The following SLC12A7 variants were observed in gnomAD, a reference collection of about 807,000 sequenced individuals.
SLC12A7 encodes K-Cl cotransporter 4.
In SLC12A7, 100 loss-of-function variants were observed where a neutral mutation model predicts 120.6. The observed-to-expected ratio is 0.83, with a 90% confidence interval of 0.71 to 0.98. The LOEUF is 0.98. Among genes scored for constraint, SLC12A7 ranks in the 50% least tolerant of loss-of-function variants. SLC12A7 has a pLI of 0.00. For missense variants in SLC12A7, 1,373 were observed against 1,548.1 expected (o/e 0.89, Z 1.90); for synonymous variants, 760 against 678.0 (o/e 1.12, Z -1.88).
intron 17 of SLC12A7, among the ~76,000 whole-genome samples, chr5:1,070,484 C>T (rs1737640703): frequency 2.3e-4 from 1 of 4,264 alleles, no homozygotes; most frequent in African/African-American, 3.4e-4. Context: ...CCCCAGTGAG[C>T]CCCCAGCACA....
chr5:1,075,250 T>C, intron 15 of SLC12A7, 121 bp downstream of exon 15: 2 of 1,381,634 alleles, frequency 1.4e-6, no homozygotes, highest in South Asian at 1.5e-5. Flanking sequence ...CAGCTGCCCC[T>C]GTGAGGGCAC....
At chr5:1,086,110 A>AG (rs1459142850) in intron 6 of SLC12A7, among the ~76,000 whole-genome samples, 1 of 152,186 alleles carries the variant, frequency 6.6e-6, no homozygotes, top group African/African-American at 2.4e-5. Flanking sequence ...CACCCGGGGC[A>AG]GGTGGAAAGA....
chr5:1,052,545 C>G (rs1735158283), intron 23 of SLC12A7, 94 bp from the exon 24 acceptor site: 1 of 1,103,040 alleles, frequency 9.1e-7, no homozygotes, highest in African/African-American at 1.5e-5. Context: ...TCCTGGTTAG[C>G]TAAGATTTGG....
In SLC12A7 at chr5:1,076,881, T is replaced by G; in HGVS notation, c.1630-69A>C. ...TTTTAGGAGAGAAGCTGCAGGCTGG[T>G]CAGGTCTAGCCCAGATGAATCTTAA... On this transcript the variant is annotated intron_variant, in intron 12 of 23. Transcript: ENST00000264930. 3 of 1,097,890 alleles carry G rather than the reference T, an allele frequency of 2.7e-6. No homozygotes were observed. The South Asian group carries it at 3.7e-5, about 14-fold the overall frequency. 68.0% of individuals were successfully genotyped at this position (1,097,890 alleles called of 1,614,324 possible).
Position 1,088,989 on chromosome 5 carries a change from C to T in SLC12A7, c.482G>A (p.Cys161Tyr), listed in dbSNP as rs1740196754. 6.2e-7 allele frequency: 1 copy of T among 1,612,854 alleles called. No individual in the cohort carries two copies. Among genetic ancestry groups the T allele is most frequent in the Non-Finnish European group, 8.5e-7 (1 of 1,179,930 alleles). ...TGGCCGGGGGAGACTCACACATGTG[C>T]AGCACATGGCCACGATGAGGAAGGA... ...LESFLIVAMC[C>Y]TCTMLTAISM... The change falls in exon 4 of 24, where the codon TGC becomes TAC. Residue 161 changes from cysteine to tyrosine, a missense_variant. Cys to Tyr is a radical substitution (Grantham distance 194, BLOSUM62 -2). Coordinates refer to ENST00000264930, the MANE Select transcript of SLC12A7 (RefSeq NM_006598.3).
intron 4 of SLC12A7, 65 bp from the exon 5 acceptor site, chr5:1,088,425 C>G: frequency 6.6e-7 from 1 of 1,509,260 alleles, no homozygotes; most frequent in Non-Finnish European, 9.0e-7. Flanking sequence ...CGCAACACTC[C>G]CAAGTCAGGG....
chr5:1,139,068 G>GT, the SLC12A7 span, among the ~76,000 whole-genome samples: 3 of 29,852 alleles, frequency 1.0e-4, no homozygotes, highest in East Asian at 1.3e-3. Flanking sequence ...AGCTTGGGGT[G>GT]GGGGGGGGGC....
At chr5:1,053,263 C>A (rs1735248211) in intron 23 of SLC12A7, 86 bp downstream of exon 23, 8 of 1,500,328 alleles carry the variant, frequency 5.3e-6, no homozygotes, top group South Asian at 2.6e-5. Context: ...GCCAGCCTCA[C>A]TCCCAGCACC....
Position 1,073,651 on chromosome 5 carries a change from C to T in SLC12A7, c.2223G>A (p.Glu741=). 6.2e-7 allele frequency: 1 copy of T among 1,604,368 alleles called. No individual in the cohort carries two copies. Among genetic ancestry groups the T allele is most frequent in the South Asian group, 1.1e-5 (1 of 90,532 alleles). The change falls in exon 17 of 24, where the codon GAG becomes GAA. Residue 741 remains glutamate (E), a synonymous_variant. Coordinates refer to ENST00000264930, the MANE Select transcript of SLC12A7 (RefSeq NM_006598.3). ...GGCCCACCTCCTCGGCCCGCTGAGC[C>T]TCCATGTGCTTGTCCAGGTACGTCC... ...LEGTYLDKHM[E]AQRAEENIRS...
At chr5:1,142,786 A>G in the SLC12A7 span, among the ~76,000 whole-genome samples, 4 of 79,226 alleles carry the variant, frequency 5.0e-5, no homozygotes, top group East Asian at 4.3e-4. Context: ...ACCCGTGACC[A>G]TCAGCTGCCC....
At chr5:1,084,453 G>C (rs1459365939) in intron 7 of SLC12A7, among the ~76,000 whole-genome samples, 1 of 152,202 alleles carries the variant, frequency 6.6e-6, no homozygotes, top group African/African-American at 2.4e-5. Flanking sequence ...CAGTGTCTGA[G>C]TTCAAGCCAC....
At chr5:1,095,294 A>T (rs1450062602) in intron 1 of SLC12A7, among the ~76,000 whole-genome samples, 1 of 152,202 alleles carries the variant, frequency 6.6e-6, no homozygotes, top group Admixed American at 6.5e-5. Context: ...CTGTCACAGC[A>T]ACACAAGGAA....
chr5:1,088,410 G>A lies in SLC12A7; in HGVS notation c.490-50C>T, dbSNP rs376065868. ...GAGGAGAGTTTTCCAACAGCCTGCC[G>A]GCATCGCAACACTCCCAAGTCAGGG... On this transcript the variant is annotated intron_variant, in intron 4 of 23. Coordinates refer to ENST00000264930, the MANE Select transcript of SLC12A7 (RefSeq NM_006598.3). 1.6e-4 allele frequency: 247 copies of A among 1,539,680 alleles called. No individual in the cohort carries two copies. The East Asian group carries it at 1.8e-3, about 11-fold the overall frequency.
intron 17 of SLC12A7, among the ~76,000 whole-genome samples, chr5:1,069,454 G>T (rs1737411358): frequency 6.6e-6 from 1 of 152,224 alleles, no homozygotes; most frequent in African/African-American, 2.4e-5. Flanking sequence ...AGGTCCCAGT[G>T]GGGGCCTGGC....
the SLC12A7 span, among the ~76,000 whole-genome samples, chr5:1,125,034 T>C: frequency 6.6e-6 from 1 of 152,026 alleles, no homozygotes; most frequent in Admixed American, 6.5e-5. Context: ...GAACAACCCA[T>C]AAGCAAGACT....
intron 22 of SLC12A7, chr5:1,056,686 C>T (rs539523886): frequency 3.3e-5 from 20 of 613,502 alleles, no homozygotes; most frequent in African/African-American, 1.6e-4. Flanking sequence ...AGGAGGACGC[C>T]GCCTCATCCC....
chr5:1,139,326 G>C, the SLC12A7 span, among the ~76,000 whole-genome samples: 1 of 152,266 alleles, frequency 6.6e-6, no homozygotes. Context: ...GCCCAGCCCT[G>C]GTGGGGAGCA....
chr5:1,131,167 G>A, the SLC12A7 span, among the ~76,000 whole-genome samples: 10 of 152,156 alleles, frequency 6.6e-5, no homozygotes, highest in Non-Finnish European at 1.0e-4. Context: ...GTCCCGGATC[G>A]CTAGGGGACT....
At position 1,111,854 on chromosome 5, in the gene SLC12A7, G is replaced by A. The variant is rs575631058; in HGVS notation, c.124+14C>T. 3.3e-6 allele frequency: 4 copies of A among 1,205,908 alleles called. No individual in the cohort carries two copies. Among genetic ancestry groups the A allele is most frequent in the South Asian group, 4.1e-5 (1 of 24,640 alleles). 74.7% of individuals were successfully genotyped at this position (1,205,908 alleles called of 1,614,324 possible). On this transcript the variant is annotated intron_variant, in intron 1 of 23. Transcript: ENST00000264930. ...GCGCTCGGCCTTTGTCCGGCCAGGTGCGGCCGCGCTCACCCGGGCTGGGGC... is the reference window on the plus strand; with the variant it reads ...GCGCTCGGCCTTTGTCCGGCCAGGTACGGCCGCGCTCACCCGGGCTGGGGC...
Sources: allele counts gnomAD v4.1 joint callset (sites outside exome capture counted in the v4.1 genomes callset), GRCh38; gene constraint gnomAD v4.1.1; transcripts MANE v1.5; gene names NCBI Gene and HGNC (gene_info 2026-07-23, HGNC 2026-07-21).